BPIFB1: variants seen among roughly 807,000 people sequenced by gnomAD.
BPIFB1 encodes BPI fold containing family B member 1.
Under a neutral mutation model 55.1 loss-of-function variants are expected in BPIFB1, and 34 were observed. The observed-to-expected ratio is 0.62, with a 90% confidence interval of 0.47 to 0.82. The LOEUF (loss-of-function observed/expected upper bound fraction) is 0.82. Ranked by LOEUF, BPIFB1 falls within the 40% of genes least tolerant of loss-of-function variation. BPIFB1 has a pLI of 0.00. For missense variants in BPIFB1, 532 were observed against 593.1 expected, an observed-to-expected ratio of 0.90 and a Z score of 1.07; for synonymous variants, 236 against 245.3, an observed-to-expected ratio of 0.96 and a Z score of 0.35.
rs547427663 is a variant in BPIFB1 at position 33,302,414 on chromosome 20, T to C, written c.981+2T>C. 1 of 1,613,792 alleles carries C rather than the reference T, an allele frequency of 6.2e-7. No individual in the cohort carries two copies. Among genetic ancestry groups the C allele is most frequent in the South Asian group, 1.1e-5 (1 of 91,066 alleles). ...AGCATCGGGCTGATCAATGAAAAGGTTGGTCTGTTTGCCATCTGCAGCTTG... is the reference window on the plus strand; with the variant it reads ...AGCATCGGGCTGATCAATGAAAAGGCTGGTCTGTTTGCCATCTGCAGCTTG... On this transcript the variant is annotated splice_donor_variant, in intron 10 of 15. Coordinates refer to ENST00000253354, the MANE Select transcript of BPIFB1 (RefSeq NM_033197.3). LOFTEE classifies it high-confidence loss of function.
At chr20:33,296,057 T>G (rs1980644422) in intron 6 of BPIFB1, among the ~76,000 whole-genome samples, 1 of 152,118 alleles carries the variant, frequency 6.6e-6, no homozygotes, top group African/African-American at 2.4e-5. Context: ...TCGTTGCACA[T>G]CAGAGCCATC....
In BPIFB1 at chr20:33,303,013, T is replaced by C. The variant is rs1980904178; in HGVS notation, c.1079T>C (p.Leu360Pro). 6.2e-7 allele frequency: 1 copy of C among 1,614,084 alleles called. No individual in the cohort carries two copies. The highest frequency in any genetic ancestry group is 1.7e-5 in the Admixed American group (1 of 60,006). ...IDQGHAKVAQLIVLEVFPSSE... is the reference protein window; with the variant it reads ...IDQGHAKVAQPIVLEVFPSSE... ...CAAGGCCATGCCAAGGTGGCCCAAC[T>C]GATCGTGCTGGAAGTGTTTCCCTCC... Residue 360 changes from leucine to proline, a missense_variant, in exon 11 of 16, where the codon CTG (leucine) becomes CCG (proline). Leu to Pro is a moderately conservative substitution (Grantham distance 98). Transcript: ENST00000253354.
intron 6 of BPIFB1, among the ~76,000 whole-genome samples, chr20:33,295,645 G>GAAGAAAGAAAGACAGAGAGAAAGAAAGA (rs1555797813): frequency 8.0e-6 from 1 of 125,384 alleles, no homozygotes; most frequent in African/African-American, 4.3e-5. Flanking sequence ...AAAGAGAGAA[G>GAAGAAAGAAAGACAGAGAGAAAGAAAGA]AAGAAAGAAA....
chr20:33,288,677 G>A, intron 2 of BPIFB1, 64 bp from the exon 3 acceptor site: 1 of 1,576,502 alleles, frequency 6.3e-7, no homozygotes, highest in South Asian at 1.2e-5. Context: ...CCAGCCTGGA[G>A]CTCCCACCAA....
At chr20:33,288,952 CTCAG>C (rs1980361995) in intron 3 of BPIFB1, 70 bp downstream of exon 3, 1 of 1,509,740 alleles carries the variant, frequency 6.6e-7, no homozygotes, top group Non-Finnish European at 8.9e-7. Context: ...GCTCTGCATG[CTCAG>C]TCAACCAGTC....
At chr20:33,286,741 A>G (rs932354473) in intron 2 of BPIFB1, among the ~76,000 whole-genome samples, 2 of 152,182 alleles carry the variant, frequency 1.3e-5, no homozygotes, top group Non-Finnish European at 2.9e-5. Flanking sequence ...CAACCTCAGC[A>G]CTTCTGATGT....
At position 33,303,866 on chromosome 20, in the gene BPIFB1, G is replaced by A. The variant is rs1329903798; in HGVS notation, c.1141-92G>A. Reference sequence around the variant, plus strand: ...TGCCAAGGTCCCAGAGCCAGGAACTGAGATTCAGACCCCAGAGCCTCCCTG... The same window carrying A: ...TGCCAAGGTCCCAGAGCCAGGAACTAAGATTCAGACCCCAGAGCCTCCCTG... On this transcript the variant is annotated intron_variant, in intron 11 of 15. Transcript: ENST00000253354. The A allele has an allele frequency of 6.1e-6, 8 of 1,308,198 alleles. No homozygotes were observed. The East Asian group carries it at 1.6e-4, about 26-fold the overall frequency. The allele number at this position is 1,308,198 out of a possible 1,614,324, so 81.0% of individuals were successfully genotyped here. A position where few individuals can be genotyped will look rare whatever the true frequency, so the allele number is the denominator to read the frequency against.
At chr20:33,306,154 A>G (rs1981019698) in intron 14 of BPIFB1, 89 bp downstream of exon 14, 1 of 1,361,806 alleles carries the variant, frequency 7.3e-7, no homozygotes, top group Non-Finnish European at 1.1e-6. Context: ...GGCCCCTTTC[A>G]TTCATCTCCC....
chr20:33,292,027 C>A (rs763793836), intron 6 of BPIFB1, 39 bp downstream of exon 6: 1 of 1,582,654 alleles, frequency 6.3e-7, no homozygotes, highest in East Asian at 2.2e-5. Context: ...GTGGGCATTG[C>A]GCCCCCTGTG....
chr20:33,290,647 A>G (rs1214448119), intron 4 of BPIFB1, among the ~76,000 whole-genome samples: 1 of 152,226 alleles, frequency 6.6e-6, no homozygotes, highest in Non-Finnish European at 1.5e-5. Flanking sequence ...AGGCAAGGCC[A>G]TGAGAGGAGC....
Position 33,288,652 on chromosome 20 carries a change from G to A in BPIFB1, c.116-89G>A, listed in dbSNP as rs919232924. On this transcript the variant is annotated intron_variant, in intron 2 of 15. Transcript: ENST00000253354. ...CCCTCGCCTTACCTCAGGGAGCCTC[G>A]AGTGATACCCCTCCCCAGCCTGGAG... 27 of 1,504,322 alleles carry A rather than the reference G, an allele frequency of 1.8e-5. No homozygotes were observed. In the South Asian group the frequency reaches 2.0e-4, roughly 11 times the overall value. The allele number at this position is 1,504,322 out of a possible 1,614,324, so 93.2% of individuals were successfully genotyped here. A position where few individuals can be genotyped will look rare whatever the true frequency, so the allele number is the denominator to read the frequency against.
chr20:33,303,185 A>G, intron 11 of BPIFB1, 111 bp downstream of exon 11: 1 of 1,397,682 alleles, frequency 7.2e-7, no homozygotes, highest in Non-Finnish European at 9.9e-7. Context: ...ATCACTTAGC[A>G]GGGACAGGGG....
chr20:33,291,760 G>A (rs1600663553), intron 5 of BPIFB1, 147 bp from the exon 6 acceptor site: 2 of 670,110 alleles, frequency 3.0e-6, no homozygotes, highest in Non-Finnish European at 5.2e-6. Flanking sequence ...TGGCTCAGGG[G>A]CTACTCCCAG....
chr20:33,306,797 G>C (rs1981041813), intron 14 of BPIFB1, 114 bp from the exon 15 acceptor site: 1 of 828,092 alleles, frequency 1.2e-6, no homozygotes, highest in Admixed American at 1.8e-5. Context: ...GGCAGAGGGG[G>C]CTGTCTGATC....
In BPIFB1 at chr20:33,304,876, G is replaced by A. The variant is rs199521304; in HGVS notation, c.1239G>A (p.Gly413=). The A allele has an allele frequency of 2.4e-4, 387 of 1,614,178 alleles. No individual in the cohort carries two copies. Among genetic ancestry groups the A allele is most frequent in the Non-Finnish European group, 3.1e-4 (370 of 1,180,016 alleles). ...SSDRIQLMNS[G]IGWFQPDVLK... is the part of the protein sequence containing the mutation. ...ATCGGATCCAGCTGATGAACTCTGG[G>A]ATTGGCTGGTTCCAAGTAAGTGTTA... The change falls in exon 13 of 16, where the codon GGG becomes GGA. Residue 413 remains glycine (G), a synonymous_variant. Transcript: ENST00000253354.
intron 11 of BPIFB1, among the ~76,000 whole-genome samples, 167 bp from the exon 12 acceptor site, chr20:33,303,791 T>C (rs1179175489): frequency 6.6e-6 from 1 of 152,134 alleles, no homozygotes; most frequent in Non-Finnish European, 1.5e-5. Flanking sequence ...AGGCAAGTAC[T>C]ATCTCATTTA....
intron 4 of BPIFB1, 67 bp from the exon 5 acceptor site, chr20:33,290,890 G>A (rs79548556): frequency 3.8e-5 from 59 of 1,556,682 alleles, no homozygotes; most frequent in African/African-American, 5.4e-5. Context: ...AGACAGAGAC[G>A]GACGGCAGGG....
At chr20:33,283,874 G>A (rs914392313) in intron 1 of BPIFB1, among the ~76,000 whole-genome samples, 4 of 152,084 alleles carry the variant, frequency 2.6e-5, no homozygotes, top group South Asian at 4.1e-4. Context: ...TACCATCCTC[G>A]TGGGTCCCTG....
chr20:33,288,933 CCGGGACA>C, intron 3 of BPIFB1, 51 bp downstream of exon 3: 1 of 1,570,580 alleles, frequency 6.4e-7, no homozygotes, highest in Non-Finnish European at 8.6e-7. Flanking sequence ...ACACCTTTGC[CCGGGACA>C]CGCTCTGCAT....
Sources: gnomAD v4.1 joint callset for allele counts (sites outside exome capture counted in the v4.1 genomes callset) on GRCh38, gnomAD v4.1.1 for gene constraint, MANE v1.5 for transcripts, NCBI Gene and HGNC (gene_info 2026-07-23, HGNC 2026-07-21) for gene names.